Variants in PPP2R2A observed in about 807,000 individuals in gnomAD.
The protein encoded by PPP2R2A is protein phosphatase 2 regulatory subunit Balpha.
A neutral mutation model predicts 53.2 loss-of-function variants in PPP2R2A; 9 were observed. That is an observed-to-expected ratio of 0.17 (90% CI 0.10 to 0.30). The LOEUF (loss-of-function observed/expected upper bound fraction) is 0.30, where lower values mean the gene tolerates loss of function less well. Among genes scored for constraint, PPP2R2A ranks in the 10% least tolerant of loss-of-function variants. PPP2R2A has a pLI of 1.00. For missense variants in PPP2R2A, 235 were observed against 534.6 expected (o/e 0.44, Z 5.53); for synonymous variants, 169 against 174.2 (o/e 0.97, Z 0.23).
chr8:26,315,528 T>C (rs1202392491), intron 2 of PPP2R2A, among the ~76,000 whole-genome samples: 3 of 152,186 alleles, frequency 2.0e-5, no homozygotes, highest in Non-Finnish European at 2.9e-5. Flanking sequence ...CAAGGTCAGG[T>C]TCAGTTTCTC....
rs893745020 is a variant in PPP2R2A at position 26,372,394 on chromosome 8, T to A, written c.*1981T>A. 1 of 152,186 alleles carries A rather than the reference T, an allele frequency of 6.6e-6. No individual in the cohort carries two copies. Among genetic ancestry groups the A allele is most frequent in the African/African-American group, 2.4e-5 (1 of 41,446 alleles). The allele number at this position is 152,186 out of a possible 1,614,324, so 9.4% of individuals were successfully genotyped here. On this transcript the variant is annotated 3_prime_UTR_variant, in exon 10 of 10. Transcript: ENST00000380737. ...TTGGGAGATTTTCCTACAGCTTGGT[T>A]GTATGTCTTGAGATAACACCACCAA...
chr8:26,319,736 A>G (rs1802739887), intron 2 of PPP2R2A, among the ~76,000 whole-genome samples: 1 of 151,826 alleles, frequency 6.6e-6, no homozygotes, highest in African/African-American at 2.4e-5. Context: ...ATTTTTTTTT[A>G]TTTATACAAA....
intron 2 of PPP2R2A, among the ~76,000 whole-genome samples, chr8:26,309,226 C>A (rs1802163411): frequency 6.6e-6 from 1 of 152,182 alleles, no homozygotes; most frequent in Non-Finnish European, 1.5e-5. Flanking sequence ...CCATGGGCTA[C>A]AGAATGAATA....
intron 2 of PPP2R2A, among the ~76,000 whole-genome samples, chr8:26,331,183 CT>C (rs776975640): frequency 2.0e-5 from 3 of 152,198 alleles, no homozygotes; most frequent in Non-Finnish European, 4.4e-5. Flanking sequence ...TCTCACCATG[CT>C]GTCTTGGTGC....
At chr8:26,311,078 C>T (rs745375296) in intron 2 of PPP2R2A, among the ~76,000 whole-genome samples, 2 of 151,942 alleles carry the variant, frequency 1.3e-5, no homozygotes, top group Non-Finnish European at 2.9e-5. Flanking sequence ...CAAAGGAAAC[C>T]AGAGAGTAAG....
intron 3 of PPP2R2A, among the ~76,000 whole-genome samples, chr8:26,348,404 C>A (rs1463070555): frequency 6.6e-6 from 1 of 152,086 alleles, no homozygotes; most frequent in Non-Finnish European, 1.5e-5. Context: ...GTGGAAAATT[C>A]CCCTGGCCTC....
chr8:26,366,267 A>C (rs753891150), intron 8 of PPP2R2A, 48 bp from the exon 9 acceptor site: 8 of 1,460,538 alleles, frequency 5.5e-6, no homozygotes, highest in Non-Finnish European at 7.6e-6. Context: ...TGGACTTGTT[A>C]AATCATTTTC....
At position 26,322,783 on chromosome 8, in the gene PPP2R2A, G is replaced by A. The variant is rs536158975; in HGVS notation, c.83-16107G>A. On this transcript the variant is annotated intron_variant, in intron 2 of 9. Coordinates refer to ENST00000380737, the MANE Select transcript of PPP2R2A (RefSeq NM_002717.4). Reference sequence around the variant, plus strand: ...CCCTTCTTAAGCCAAACTTCAGACCGTCAGAACGGTGGTTTCAACTTAGTT... The same window carrying A: ...CCCTTCTTAAGCCAAACTTCAGACCATCAGAACGGTGGTTTCAACTTAGTT... Among the ~76,000 whole-genome samples the A allele has an allele frequency of 9.9e-5, 15 of 152,274 alleles. No homozygotes were observed. The South Asian group carries it at 1.9e-3, about 19-fold the overall frequency.
rs143999049 is a variant in PPP2R2A, at chr8:26,303,946, CTCTG to C, written c.82+10208_82+10211del. Among the ~76,000 whole-genome samples the C allele has an allele frequency of 4.6e-3, 697 of 152,296 alleles. 4 individuals carry two copies. Among genetic ancestry groups the C allele is most frequent in the African/African-American group, 0.016 (661 of 41,570 alleles). The stretch of plus-strand genomic sequence containing the variant: ...TTTTAGTTTCTATTGGTTAAATCCT[CTCTG>C]TATGTTCAAATACCAGATGGAGTTT... On this transcript the variant is annotated intron_variant, in intron 2 of 9. Transcript: ENST00000380737.
rs1805622480 is a variant in PPP2R2A at position 26,370,597 on chromosome 8, T to C, written c.*184T>C. The C allele has an allele frequency of 2.9e-6, 2 of 691,728 alleles. No homozygotes were observed. The highest frequency in any genetic ancestry group is 5.5e-5 in the East Asian group (2 of 36,460). 42.8% of individuals were successfully genotyped at this position (691,728 alleles called of 1,614,324 possible). A position where few individuals can be genotyped will look rare whatever the true frequency, so the allele number is the denominator to read the frequency against. ...CTCTGTGGATTCATCACTGTGGTGT[T>C]CTCCATGTCTGCTAGCCATTTAGGT... On this transcript the variant is annotated 3_prime_UTR_variant, in exon 10 of 10. Transcript: ENST00000380737. The surrounding 1 kb of genome is among the most constrained non-coding windows in gnomAD (Gnocchi z 6.1).
At chr8:26,322,558 C>G (rs1802891776) in intron 2 of PPP2R2A, among the ~76,000 whole-genome samples, 1 of 151,318 alleles carries the variant, frequency 6.6e-6, no homozygotes, top group African/African-American at 2.4e-5. Flanking sequence ...TATAGGTGTG[C>G]AGGAACTCAA....
intron 2 of PPP2R2A, among the ~76,000 whole-genome samples, chr8:26,322,680 C>G (rs1802900372): frequency 6.6e-6 from 1 of 152,048 alleles, no homozygotes; most frequent in African/African-American, 2.4e-5. Context: ...AACTCTGTAT[C>G]CTGTTTCCCA....
intron 7 of PPP2R2A, chr8:26,363,509 A>T: frequency 4.6e-6 from 2 of 435,984 alleles, no homozygotes; most frequent in Non-Finnish European, 4.1e-6. Context: ...CTGGAAGTAT[A>T]CTGCATACTT....
intron 2 of PPP2R2A, among the ~76,000 whole-genome samples, chr8:26,305,002 A>G (rs1801951811): frequency 6.6e-6 from 1 of 152,168 alleles, no homozygotes; most frequent in South Asian, 2.1e-4. Context: ...AACTCTATTC[A>G]TATTGTGAAA....
intron 4 of PPP2R2A, among the ~76,000 whole-genome samples, chr8:26,355,603 G>A (rs1291823401): frequency 2.6e-5 from 4 of 152,218 alleles, no homozygotes; most frequent in African/African-American, 4.8e-5. Context: ...GGTGGCTCAC[G>A]CCTGTAATCC....
chr8:26,353,014 T>C (rs1804599711), intron 3 of PPP2R2A, among the ~76,000 whole-genome samples: 1 of 152,224 alleles, frequency 6.6e-6, no homozygotes, highest in Admixed American at 6.5e-5. Context: ...ATGCAGGATT[T>C]ATATTAAAAA....
intron 2 of PPP2R2A, among the ~76,000 whole-genome samples, chr8:26,306,684 C>G (rs968133862): frequency 6.6e-6 from 1 of 151,866 alleles, no homozygotes; most frequent in African/African-American, 2.4e-5. Flanking sequence ...TTAAAAAAAT[C>G]TAATAAAGGT....
chr8:26,292,345 G>A, intron 1 of PPP2R2A: 1 of 986,468 alleles, frequency 1.0e-6, no homozygotes, highest in Non-Finnish European at 1.2e-6. Flanking sequence ...CACTGTAGAT[G>A]CCAATATTTT....
At chr8:26,341,833 A>G (rs1183202308) in intron 3 of PPP2R2A, among the ~76,000 whole-genome samples, 5 of 152,182 alleles carry the variant, frequency 3.3e-5, no homozygotes, top group Non-Finnish European at 7.4e-5. Context: ...AGAAGAAGAG[A>G]TCATATAACA....
Sources: gnomAD v4.1 joint callset for allele counts (sites outside exome capture counted in the v4.1 genomes callset) on GRCh38, gnomAD v4.1.1 for gene constraint, Gnocchi (gnomAD v3.1) non-coding constraint, MANE v1.5 for transcripts, NCBI Gene and HGNC (gene_info 2026-07-23, HGNC 2026-07-21) for gene names.